Variants in BIRC6 observed in about 807,000 individuals in gnomAD.
The protein encoded by BIRC6 is dual E2 ubiquitin-conjugating enzyme/E3 ubiquitin-protein ligase BIRC6.
A neutral mutation model predicts 503.3 loss-of-function variants in BIRC6; 98 were observed. That is an observed-to-expected ratio of 0.19 (90% CI 0.17 to 0.23). The LOEUF is 0.23. Among genes scored for constraint, BIRC6 ranks in the 10% least tolerant of loss-of-function variants. BIRC6 has a pLI of 1.00. For missense variants in BIRC6, 5,360 were observed against 5,806.0 expected, an observed-to-expected ratio of 0.92 and a Z score of 2.50; for synonymous variants, 2,240 against 2,078.7, an observed-to-expected ratio of 1.08 and a Z score of -2.11.
At position 32,398,975 on chromosome 2, in the gene BIRC6, A is replaced by G. The variant is rs576526940; in HGVS notation, c.1035-2188A>G. ...TTGTAAAAAGAAATACATACATTTT[A>G]AGGAGTAGCATGTTTTATGTGTAAA... On this transcript the variant is annotated intron_variant, in intron 6 of 73. Transcript: ENST00000421745. 6.6e-5 allele frequency among the ~76,000 whole-genome samples: 10 copies of G among 152,314 alleles called. No homozygotes were observed. The South Asian group carries it at 2.1e-3, about 32-fold the overall frequency.
intron 8 of BIRC6, among the ~76,000 whole-genome samples, chr2:32,405,156 A>T (rs1573977959): frequency 6.6e-6 from 1 of 152,174 alleles, no homozygotes; most frequent in African/African-American, 2.4e-5. Flanking sequence ...GCCATTCTAT[A>T]CTTAAAACCT....
At chr2:32,597,025 C>T (rs1385595913) in intron 68 of BIRC6, among the ~76,000 whole-genome samples, 1 of 152,182 alleles carries the variant, frequency 6.6e-6, no homozygotes, top group Admixed American at 6.5e-5. Flanking sequence ...TAAACATAAT[C>T]AAGTTTGCTC....
chr2:32,612,344 G>A (rs2062936142), intron 73 of BIRC6, among the ~76,000 whole-genome samples: 1 of 152,202 alleles, frequency 6.6e-6, no homozygotes, highest in Non-Finnish European at 1.5e-5. Flanking sequence ...GAATGGAAAT[G>A]TGAAATGTGA....
At chr2:32,468,842 C>A in intron 29 of BIRC6, 59 bp downstream of exon 29, 2 of 1,275,948 alleles carry the variant, frequency 1.6e-6, no homozygotes, top group Non-Finnish European at 2.1e-6. Flanking sequence ...GATTTCGCTG[C>A]ATGTTTTAGG....
chr2:32,525,351 T>C, intron 58 of BIRC6, 113 bp from the exon 59 acceptor site: 1 of 1,135,420 alleles, frequency 8.8e-7, no homozygotes. Flanking sequence ...GGAACATTTC[T>C]GTTTTCTGAC....
intron 8 of BIRC6, among the ~76,000 whole-genome samples, chr2:32,405,367 C>T (rs1399127823): frequency 1.3e-5 from 2 of 152,100 alleles, no homozygotes; most frequent in Non-Finnish European, 2.9e-5. Flanking sequence ...CTGTTATCAC[C>T]TGAAAAAACT....
Position 32,531,521 on chromosome 2 carries a change from A to G in BIRC6, c.12261A>G (p.Leu4087=). Residue 4087 remains leucine (L), a synonymous_variant, in exon 61 of 74, where the codon CTA becomes CTG. Coordinates refer to ENST00000421745, the MANE Select transcript of BIRC6 (RefSeq NM_016252.4). Reference sequence around the variant, plus strand: ...GACTGGCTCTTATTGCTGAAAGACTACCCATGCTATATCCAGAAGTAATTC... The same window carrying G: ...GACTGGCTCTTATTGCTGAAAGACTGCCCATGCTATATCCAGAAGTAATTC... The part of the protein sequence containing the change: ...MGGLALIAER[L]PMLYPEVIQQ... 6 of 1,613,196 alleles carry G rather than the reference A, an allele frequency of 3.7e-6. No individual in the cohort carries two copies. The highest frequency in any genetic ancestry group is 2.2e-5 in the East Asian group (1 of 44,844).
At chr2:32,549,545 T>A in intron 65 of BIRC6, 64 bp downstream of exon 65, 1 of 1,218,640 alleles carries the variant, frequency 8.2e-7, no homozygotes, top group Non-Finnish European at 1.1e-6. Context: ...TATCATTGTC[T>A]AATAGTAAGT....
At chr2:32,543,189 A>G in intron 61 of BIRC6, 52 bp from the exon 62 acceptor site, 3 of 1,524,854 alleles carry the variant, frequency 2.0e-6, no homozygotes, top group Non-Finnish European at 1.8e-6. Context: ...TTTACTTTGA[A>G]TCTGATGTTG....
At chr2:32,437,652 C>T (rs2044875722) in intron 15 of BIRC6, among the ~76,000 whole-genome samples, 1 of 152,136 alleles carries the variant, frequency 6.6e-6, no homozygotes, top group Admixed American at 6.6e-5. Flanking sequence ...GTTCAGTATT[C>T]CTAATCCAAA....
chr2:32,584,869 A>G (rs1162636280), intron 66 of BIRC6, among the ~76,000 whole-genome samples: 1 of 152,256 alleles, frequency 6.6e-6, no homozygotes, highest in East Asian at 1.9e-4. Context: ...AGTGTTTGAA[A>G]ATTCCTGTAA....
At position 32,490,025 on chromosome 2, in the gene BIRC6, T is replaced by C. The variant is rs1437502904; in HGVS notation, c.8096-16T>C. The stretch of plus-strand genomic sequence containing the variant: ...GTTTTTCTGAAAAATATTTTCCCTT[T>C]CTCTTTTCTGCATAGCATCAATAAC... On this transcript the variant is annotated splice_polypyrimidine_tract_variant and intron_variant, in intron 42 of 73. Coordinates refer to ENST00000421745, the MANE Select transcript of BIRC6 (RefSeq NM_016252.4). 1 of 1,528,368 alleles carries C rather than the reference T, an allele frequency of 6.5e-7. No homozygotes were observed. The highest frequency in any genetic ancestry group is 9.0e-7 in the Non-Finnish European group (1 of 1,108,706). 94.7% of individuals were successfully genotyped at this position (1,528,368 alleles called of 1,614,324 possible).
intron 65 of BIRC6, among the ~76,000 whole-genome samples, chr2:32,550,465 G>A (rs1306816347): frequency 2.0e-5 from 3 of 152,024 alleles, no homozygotes; most frequent in African/African-American, 7.2e-5. Flanking sequence ...TGTTTAGATT[G>A]ACCTGTTTGA....
At chr2:32,478,487 C>A in intron 35 of BIRC6, 148 bp from the exon 36 acceptor site, 1 of 532,376 alleles carries the variant, frequency 1.9e-6, no homozygotes, top group Non-Finnish European at 3.1e-6. Context: ...TTTTTGCATT[C>A]CATCTCAAGC....
chr2:32,512,286 A>T (rs533621449), intron 53 of BIRC6, among the ~76,000 whole-genome samples: 63 of 152,320 alleles, frequency 4.1e-4, no homozygotes, highest in Non-Finnish European at 7.6e-4. Context: ...AAGGAAAATA[A>T]ACAAAATGTA....
chr2:32,565,949 G>T (rs1315334260), intron 65 of BIRC6: 1 of 152,100 alleles, frequency 6.6e-6, no homozygotes, highest in Non-Finnish European at 1.5e-5. Flanking sequence ...GACACATGGG[G>T]GTTATGAGAA....
intron 65 of BIRC6, chr2:32,558,506 A>G (rs2058937602): frequency 6.6e-6 from 1 of 152,124 alleles, no homozygotes; most frequent in Non-Finnish European, 1.5e-5. Context: ...CATTTTACTA[A>G]TATTTTGAAA....
chr2:32,408,622 A>G (rs7609320), intron 9 of BIRC6, among the ~76,000 whole-genome samples: 12,492 of 151,960 alleles, frequency 0.082, 635 homozygotes, highest in Admixed American at 0.16. Flanking sequence ...TATTTGGCCA[A>G]TTTTCTTACC....
At chr2:32,561,003 G>C (rs1487652563) in intron 65 of BIRC6, among the ~76,000 whole-genome samples, 1 of 151,800 alleles carries the variant, frequency 6.6e-6, no homozygotes, top group African/African-American at 2.4e-5. Context: ...GTCGAGACCA[G>C]CCTGGCCAAC....
Sources: allele counts gnomAD v4.1 joint callset (sites outside exome capture counted in the v4.1 genomes callset), GRCh38; gene constraint gnomAD v4.1.1; transcripts MANE v1.5; gene names NCBI Gene and HGNC (gene_info 2026-07-23, HGNC 2026-07-21).